Variants in SIPA1L3 observed in about 807,000 individuals in gnomAD.
SIPA1L3 encodes signal-induced proliferation-associated 1-like protein 3.
SIPA1L3 carries 59 observed loss-of-function variants against 150.1 expected under a neutral mutation model. The ratio of observed to expected loss-of-function variants is 0.39; its 90% confidence interval spans 0.32 to 0.49. SIPA1L3 has a LOEUF of 0.49. Ranked by LOEUF, SIPA1L3 falls within the 20% of genes least tolerant of loss-of-function variation. The pLI is 0.86. For missense variants in SIPA1L3, 2,211 were observed against 2,489.5 expected (o/e 0.89, Z 2.38); for synonymous variants, 1,070 against 1,077.6 (o/e 0.99, Z 0.14).
chr19:38,088,461 A>G (rs1393109099), intron 3 of SIPA1L3, among the ~76,000 whole-genome samples: 1 of 152,274 alleles, frequency 6.6e-6, no homozygotes, highest in Non-Finnish European at 1.5e-5. Flanking sequence ...TGTGGGTGGC[A>G]TCAAGGTCCT....
chr19:38,024,115 C>T (rs561457473), intron 1 of SIPA1L3, among the ~76,000 whole-genome samples: 24 of 152,188 alleles, frequency 1.6e-4, no homozygotes, highest in African/African-American at 5.5e-4. Context: ...GGTAGAAAAT[C>T]CTGGCCCAGA....
chr19:38,014,519 G>A (rs539158802), intron 1 of SIPA1L3, among the ~76,000 whole-genome samples: 12 of 148,462 alleles, frequency 8.1e-5, no homozygotes, highest in East Asian at 8.0e-4. Flanking sequence ...AGAGCCACCC[G>A]ATGGAATGCT....
chr19:37,947,865 A>G (rs705493), intron 1 of SIPA1L3, among the ~76,000 whole-genome samples: 60,169 of 152,008 alleles, frequency 0.4, 15,455 homozygotes, highest in East Asian at 0.71. Flanking sequence ...CACCTGTAAC[A>G]GCCTGCAGCA....
chr19:37,998,995 A>C (rs1286004616), intron 1 of SIPA1L3, among the ~76,000 whole-genome samples: 1 of 151,384 alleles, frequency 6.6e-6, no homozygotes, highest in Admixed American at 6.6e-5. Flanking sequence ...ACACACACAC[A>C]CACACACACA....
chr19:38,204,037 G>A, intron 20 of SIPA1L3, 90 bp from the exon 21 acceptor site: 9 of 993,380 alleles, frequency 9.1e-6, no homozygotes, highest in South Asian at 1.5e-5. Context: ...GGATAAGGGG[G>A]CCTGTACCCC....
intron 2 of SIPA1L3, among the ~76,000 whole-genome samples, chr19:38,073,818 C>T (rs984505748): frequency 6.6e-6 from 1 of 152,222 alleles, no homozygotes; most frequent in Non-Finnish European, 1.5e-5. Flanking sequence ...TTAGAAACCT[C>T]GCACGGAGTC....
In SIPA1L3 at chr19:38,082,751, G is replaced by C. The variant is rs776939753; in HGVS notation, c.1186G>C (p.Asp396His). 1.2e-6 allele frequency: 2 copies of C among 1,612,902 alleles called. No individual in the cohort carries two copies. Among genetic ancestry groups the C allele is most frequent in the East Asian group, 4.5e-5 (2 of 44,872 alleles). ...ASRAHSLGGLDPAFTSTEDLN... is the reference protein window; with the variant it reads ...ASRAHSLGGLHPAFTSTEDLN... ...GCGGGCCCACAGCCTCGGAGGCCTGGACCCGGCCTTCACCAGCACAGAGGA... is the reference window on the plus strand; with the variant it reads ...GCGGGCCCACAGCCTCGGAGGCCTGCACCCGGCCTTCACCAGCACAGAGGA... The change falls in exon 3 of 22, where the codon GAC becomes CAC. Residue 396 changes from aspartate to histidine, a missense_variant. Transcript: ENST00000222345.
At chr19:38,155,991 G>A (rs1423518480) in intron 13 of SIPA1L3, among the ~76,000 whole-genome samples, 1 of 152,190 alleles carries the variant, frequency 6.6e-6, no homozygotes, top group Non-Finnish European at 1.5e-5. Context: ...TGAGGCAGGA[G>A]AATCGCTTGA....
chr19:37,998,504 G>A (rs937863235), intron 1 of SIPA1L3, among the ~76,000 whole-genome samples: 11 of 152,144 alleles, frequency 7.2e-5, no homozygotes, highest in East Asian at 3.9e-4. Flanking sequence ...ACTTCAGGCC[G>A]GGTGTGGTGC....
chr19:38,028,559 G>A (rs1968568986), intron 1 of SIPA1L3, among the ~76,000 whole-genome samples: 1 of 152,186 alleles, frequency 6.6e-6, no homozygotes, highest in Non-Finnish European at 1.5e-5. Flanking sequence ...TCCACTCTGT[G>A]ACTTTGTATT....
intron 2 of SIPA1L3, among the ~76,000 whole-genome samples, chr19:38,063,827 AT>A (rs944299399): frequency 1.3e-5 from 2 of 152,090 alleles, no homozygotes; most frequent in Admixed American, 6.5e-5. Flanking sequence ...TGAGAAAAAA[AT>A]AATAATAATA....
chr19:38,125,080 G>C (rs183026114), intron 9 of SIPA1L3, among the ~76,000 whole-genome samples: 23 of 149,984 alleles, frequency 1.5e-4, no homozygotes, highest in South Asian at 4.2e-4. Flanking sequence ...CTGTCCCCCA[G>C]GCTGGAGTGC....
intron 1 of SIPA1L3, among the ~76,000 whole-genome samples, chr19:37,980,776 A>G (rs861308): frequency 0.83 from 126,074 of 152,228 alleles, 52,756 homozygotes; most frequent in African/African-American, 0.94. Flanking sequence ...GTCATTCCAT[A>G]TGACCAAGGA....
chr19:37,952,806 T>TG (rs2046776577), intron 1 of SIPA1L3, among the ~76,000 whole-genome samples: 1 of 152,276 alleles, frequency 6.6e-6, no homozygotes, highest in African/African-American at 2.4e-5. Context: ...CAGACTGGCC[T>TG]GGGGAACTTG....
rs766619197 is a variant in SIPA1L3 at position 38,081,937 on chromosome 19, G to T, written c.372G>T (p.Gln124His). 3.7e-6 allele frequency: 6 copies of T among 1,613,994 alleles called. No individual in the cohort carries two copies. The African/African-American group carries it at 8.0e-5, about 22-fold the overall frequency. Residue 124 changes from glutamine (Q) to histidine (H), a missense_variant, in exon 3 of 22, where the codon CAG becomes CAT. Coordinates refer to ENST00000222345, the MANE Select transcript of SIPA1L3 (RefSeq NM_015073.3). ...AHSMRSIQNGQPPTSTPASSG... is the reference protein window; with the variant it reads ...AHSMRSIQNGHPPTSTPASSG... ...CCATGAGGAGCATACAGAACGGACA[G>T]CCCCCCACCAGCACCCCGGCTTCCT...
chr19:38,141,395 A>C lies in SIPA1L3; in HGVS notation c.3355A>C (p.Ile1119Leu), dbSNP rs1971579471. The change falls in exon 11 of 22, where the codon ATA (isoleucine) becomes CTA (leucine). Residue 1119 changes from isoleucine (I) to leucine (L), a missense_variant. Coordinates refer to ENST00000222345, the MANE Select transcript of SIPA1L3 (RefSeq NM_015073.3). ...GAGCCGGCCCCTGAAGCAGACCCCC[A>C]TAGTCCCCTTCCGGGAGTCCCAGCC... ...SLSRPLKQTP[I>L]VPFRESQPLH... 1 of 1,612,802 alleles carries C rather than the reference A, an allele frequency of 6.2e-7. No individual in the cohort carries two copies. Among genetic ancestry groups the C allele is most frequent in the Non-Finnish European group, 8.5e-7 (1 of 1,179,930 alleles).
chr19:38,062,573 C>T (rs1159390295), intron 2 of SIPA1L3, among the ~76,000 whole-genome samples: 1 of 152,040 alleles, frequency 6.6e-6, no homozygotes, highest in Non-Finnish European at 1.5e-5. Context: ...CACTTGGGCT[C>T]ATGGTTCTGT....
At chr19:38,022,600 C>T (rs377148415) in intron 1 of SIPA1L3, among the ~76,000 whole-genome samples, 3 of 151,698 alleles carry the variant, frequency 2.0e-5, no homozygotes, top group East Asian at 1.9e-4. Context: ...CCCAGCTACT[C>T]GGGAGGCTGA....
intron 7 of SIPA1L3, among the ~76,000 whole-genome samples, chr19:38,107,155 A>G (rs1174616929): frequency 6.6e-6 from 1 of 152,212 alleles, no homozygotes; most frequent in Non-Finnish European, 1.5e-5. Flanking sequence ...ACCTCCTAGC[A>G]GCCCTAGGCT....
Sources: gnomAD v4.1 joint callset for allele counts (sites outside exome capture counted in the v4.1 genomes callset) on GRCh38, gnomAD v4.1.1 for gene constraint, MANE v1.5 for transcripts, NCBI Gene and HGNC (gene_info 2026-07-23, HGNC 2026-07-21) for gene names.